Variants in LNPK observed in about 807,000 individuals in gnomAD.
The protein encoded by LNPK is lunapark, ER junction formation factor.
LNPK carries 29 observed loss-of-function variants against 55.2 expected under a neutral mutation model. The ratio of observed to expected loss-of-function variants is 0.53; its 90% CI spans 0.39 to 0.72. The LOEUF is 0.72. Ranked by LOEUF, LNPK falls within the 30% of genes least tolerant of loss-of-function variation. LNPK has a pLI of 0.00. For synonymous variants in LNPK, 162 were observed against 168.2 expected (o/e 0.96, Z 0.29); for missense variants, 467 against 494.8 (o/e 0.94, Z 0.53).
intron 5 of LNPK, among the ~76,000 whole-genome samples, chr2:175,976,708 T>C (rs1320237496): frequency 1.3e-5 from 2 of 152,212 alleles, no homozygotes; most frequent in Admixed American, 6.5e-5. Context: ...GCCTTCAGAC[T>C]CAAACTGAAA....
At chr2:175,982,425 G>A (rs1007599136) in intron 4 of LNPK, among the ~76,000 whole-genome samples, 3 of 151,962 alleles carry the variant, frequency 2.0e-5, no homozygotes, top group Non-Finnish European at 4.4e-5. Context: ...AATTCCTCTG[G>A]TTTTTATCAG....
At chr2:175,934,595 T>C (rs1684447841) in intron 12 of LNPK, among the ~76,000 whole-genome samples, 1 of 152,048 alleles carries the variant, frequency 6.6e-6, no homozygotes. Flanking sequence ...ATATCAACAA[T>C]GTAGAAACCT....
At chr2:175,950,409 T>A (rs1368799834) in intron 8 of LNPK, among the ~76,000 whole-genome samples, 2 of 152,064 alleles carry the variant, frequency 1.3e-5, no homozygotes, top group African/African-American at 4.8e-5. Context: ...AGAATTGGAA[T>A]GTTCTCAACA....
intron 4 of LNPK, among the ~76,000 whole-genome samples, chr2:175,983,265 T>C (rs1254206264): frequency 6.6e-6 from 1 of 152,186 alleles, no homozygotes; most frequent in African/African-American, 2.4e-5. Flanking sequence ...CAAAGAGTAT[T>C]CTGTTCCTAT....
At chr2:175,943,646 A>T (rs911555578) in intron 9 of LNPK, among the ~76,000 whole-genome samples, 2 of 152,128 alleles carry the variant, frequency 1.3e-5, no homozygotes, top group Non-Finnish European at 2.9e-5. Context: ...ATGAACAGGC[A>T]TTAAAACAAA....
At chr2:175,986,430 T>C (rs746414176) in intron 4 of LNPK, among the ~76,000 whole-genome samples, 1 of 152,092 alleles carries the variant, frequency 6.6e-6, no homozygotes, top group Non-Finnish European at 1.5e-5. Context: ...AAAAACATCA[T>C]ATCTTGAAAA....
rs150162889 is a variant in LNPK, at chr2:175,991,824, C to G, written c.257+407G>C. Among the ~76,000 whole-genome samples, 347 of 152,118 alleles carry G rather than the reference C, an allele frequency of 2.3e-3. 1 individual carries two copies. Among genetic ancestry groups the G allele is most frequent in the African/African-American group, 8.0e-3 (332 of 41,494 alleles). On this transcript the variant is annotated intron_variant, in intron 4 of 12. Coordinates refer to ENST00000272748, the MANE Select transcript of LNPK (RefSeq NM_030650.3). The stretch of plus-strand genomic sequence containing the variant: ...AGGGTCAATTGCTTTATAGCAGTGA[C>G]CATATAGCAGTAAAACGAAGGGAAG...
chr2:175,992,478 G>T, intron 3 of LNPK, 60 bp from the exon 4 acceptor site: 1 of 1,077,188 alleles, frequency 9.3e-7, no homozygotes, highest in South Asian at 2.1e-5. Flanking sequence ...AAATTAAAAT[G>T]TTAAAAAATT....
intron 4 of LNPK, among the ~76,000 whole-genome samples, chr2:175,990,327 C>G (rs1687646239): frequency 6.6e-6 from 1 of 152,160 alleles, no homozygotes; most frequent in East Asian, 1.9e-4. Context: ...TCCCCTATCT[C>G]TTGCTTTCTC....
At chr2:175,948,650 A>T (rs1042059049) in intron 8 of LNPK, among the ~76,000 whole-genome samples, 8 of 152,244 alleles carry the variant, frequency 5.3e-5, no homozygotes, top group African/African-American at 1.7e-4. Context: ...TATCACATTA[A>T]ATTATCACAA....
intron 8 of LNPK, among the ~76,000 whole-genome samples, chr2:175,956,602 C>T (rs74266690): frequency 0.11 from 17,328 of 152,124 alleles, 1,213 homozygotes; most frequent in South Asian, 0.3. Flanking sequence ...TTTTAAAATG[C>T]TTTGAAAATG....
intron 7 of LNPK, 31 bp downstream of exon 7, chr2:175,964,475 T>C: frequency 6.3e-7 from 1 of 1,590,458 alleles, no homozygotes; most frequent in Non-Finnish European, 8.6e-7. Context: ...GTGTAATTTA[T>C]AATAAAATAG....
At chr2:175,985,053 T>C (rs576493462) in intron 4 of LNPK, among the ~76,000 whole-genome samples, 2 of 152,232 alleles carry the variant, frequency 1.3e-5, no homozygotes, top group Admixed American at 6.5e-5. Flanking sequence ...ACTGAACAAC[T>C]TGGATGGATC....
chr2:175,995,729 G>T, intron 1 of LNPK, 83 bp from the exon 2 acceptor site: 18 of 315,876 alleles, frequency 5.7e-5, no homozygotes, highest in South Asian at 1.6e-4. Context: ...CCTAAAAAAT[G>T]TTATGAAATA....
intron 8 of LNPK, among the ~76,000 whole-genome samples, chr2:175,957,386 C>A (rs1218757863): frequency 6.6e-6 from 1 of 151,600 alleles, no homozygotes; most frequent in African/African-American, 2.4e-5. Flanking sequence ...AAAAAAAGAA[C>A]CCAGCCACCT....
chr2:175,963,271 C>G (rs819043), intron 8 of LNPK, among the ~76,000 whole-genome samples: 13,943 of 152,160 alleles, frequency 0.092, 1,425 homozygotes, highest in African/African-American at 0.25. Flanking sequence ...TTTATTGCGG[C>G]ATTATTCACA....
intron 8 of LNPK, among the ~76,000 whole-genome samples, chr2:175,959,777 G>C (rs1297374907): frequency 6.6e-6 from 1 of 151,930 alleles, no homozygotes; most frequent in Non-Finnish European, 1.5e-5. Flanking sequence ...AAACTGGATA[G>C]AGTCAAGACC....
rs141346574 is a variant in LNPK, at chr2:175,949,334, A to G, written c.494-1642T>C. Among the ~76,000 whole-genome samples, 723 of 152,256 alleles carry G rather than the reference A, an allele frequency of 4.7e-3. 5 individuals carry two copies. Among genetic ancestry groups the G allele is most frequent in the African/African-American group, 0.016 (656 of 41,568 alleles). On this transcript the variant is annotated intron_variant, in intron 8 of 12. Transcript: ENST00000272748. ...AAGGAGCACCTTAATAGGTGGTTGC[A>G]TATTAGGAAAGCCATTAAATGCTGC...
At chr2:175,985,393 A>G in intron 4 of LNPK, among the ~76,000 whole-genome samples, 1 of 152,246 alleles carries the variant, frequency 6.6e-6, no homozygotes, top group East Asian at 1.9e-4. Context: ...GATTGAAGCA[A>G]TGTCAATTTC....
Sources: gnomAD v4.1 joint callset for allele counts (sites outside exome capture counted in the v4.1 genomes callset) on GRCh38, gnomAD v4.1.1 for gene constraint, MANE v1.5 for transcripts, NCBI Gene and HGNC (gene_info 2026-07-23, HGNC 2026-07-21) for gene names.